The following LARGE1 variants were observed in gnomAD, a reference collection of about 807,000 sequenced individuals.
LARGE1 encodes LARGE xylosyl- and glucuronyltransferase 1, also known as xylosyl- and glucuronyltransferase LARGE1.
A neutral mutation model predicts 87.6 loss-of-function variants in LARGE1; 43 were observed. The ratio of observed to expected loss-of-function variants is 0.49; its 90% CI spans 0.38 to 0.63. The LOEUF (loss-of-function observed/expected upper bound fraction) is 0.63, where lower values mean the gene tolerates loss of function less well. Among genes scored for constraint, LARGE1 ranks in the 30% least tolerant of loss-of-function variants. The pLI, the probability that LARGE1 is intolerant of heterozygous loss-of-function variation, is 0.00. For synonymous variants in LARGE1, 434 were observed against 394.6 expected, an observed-to-expected ratio of 1.10 and a Z score of -1.18; for missense variants, 802 against 1,000.2, an observed-to-expected ratio of 0.80 and a Z score of 2.67.
the LARGE1 span, among the ~76,000 whole-genome samples, chr22:33,136,818 A>G: frequency 6.6e-6 from 1 of 152,140 alleles, no homozygotes; most frequent in Non-Finnish European, 1.5e-5. Flanking sequence ...AAGTATATGG[A>G]TCAAGGCAGG....
the LARGE1 span, among the ~76,000 whole-genome samples, chr22:33,098,268 AC>A: frequency 6.6e-6 from 1 of 152,130 alleles, no homozygotes; most frequent in Non-Finnish European, 1.5e-5. Flanking sequence ...ACTCCACTAC[AC>A]ATCAGTCTGG....
At chr22:33,179,337 C>T (rs1282044468) in intron 11 of LARGE1, among the ~76,000 whole-genome samples, 3 of 152,112 alleles carry the variant, frequency 2.0e-5, no homozygotes, top group African/African-American at 7.2e-5. Flanking sequence ...CTAGAAAAGC[C>T]CTTTGCCCCC....
At chr22:33,873,320 C>T (rs1455781639) in intron 1 of LARGE1, 2 of 152,356 alleles carry the variant, frequency 1.3e-5, no homozygotes, top group African/African-American at 2.4e-5. Context: ...ACGAGCAGCG[C>T]ACGACAAAGG....
chr22:33,153,983 G>T, the LARGE1 span, among the ~76,000 whole-genome samples: 1 of 152,200 alleles, frequency 6.6e-6, no homozygotes, highest in East Asian at 1.9e-4. Flanking sequence ...CAGAAATCTG[G>T]GACCAATGTG....
chr22:33,089,473 TTCC>T, the LARGE1 span, among the ~76,000 whole-genome samples: 11 of 150,136 alleles, frequency 7.3e-5, no homozygotes, highest in South Asian at 2.1e-4. Context: ...CCTCTTCTTC[TTCC>T]TCTTCCTCTT....
chr22:33,264,731 C>T lies in LARGE1; in HGVS notation c.1730+39498G>A, dbSNP rs77665914. On this transcript the variant is annotated intron_variant, in intron 11 of 11. Transcript: ENST00000608642. The stretch of plus-strand genomic sequence containing the variant: ...TTCCTTCTGGTGCAACAAAGTCTCT[C>T]TGCTTGATGAAATATTAGATGAACT... 1.1e-3 allele frequency among the ~76,000 whole-genome samples: 174 copies of T among 152,030 alleles called. 2 individuals are homozygous for T. The South Asian group carries it at 0.019, about 16-fold the overall frequency.
At chr22:33,306,392 T>C (rs1358569891) in intron 11 of LARGE1, among the ~76,000 whole-genome samples, 2 of 152,144 alleles carry the variant, frequency 1.3e-5, no homozygotes, top group Admixed American at 6.5e-5. Context: ...CATGTAGACA[T>C]GAGACCTGCT....
Position 33,316,217 on chromosome 22 carries a change from T to C in LARGE1, c.1319A>G (p.Asp440Gly). Residue 440 changes from aspartate (D) to glycine (G), a missense_variant, in exon 11 of 15, where the codon GAC (aspartate) becomes GGC (glycine). Physicochemically the swap from Asp to Gly is moderately conservative, Grantham distance 94. Coordinates refer to ENST00000397394, the MANE Select transcript of LARGE1 (RefSeq NM_133642.5). Reference sequence around the variant, plus strand: ...TCGCCGGAACTCATAGCACAGGTCGTCCTCGTCCAGCTCAGACAGCTGCTT... The same window carrying C: ...TCGCCGGAACTCATAGCACAGGTCGCCCTCGTCCAGCTCAGACAGCTGCTT... ...LQKQLSELDE[D>G]DLCYEFRRER... The C allele has an allele frequency of 1.2e-6, 2 of 1,613,916 alleles. No individual in the cohort carries two copies. The highest frequency in any genetic ancestry group is 1.7e-6 in the Non-Finnish European group (2 of 1,179,944).
chr22:33,171,549 T>G lies in LARGE1; in HGVS notation c.1731-4717A>C, dbSNP rs111545873. ...TGCTCTGTGTAGCTTCCAGACTTGG[T>G]GCCCTGCATCCCAGCCACTCCAGCT... On this transcript the variant is annotated intron_variant, in intron 11 of 11. Coordinates refer to the LARGE1 transcript ENST00000608642. 7.9e-5 allele frequency among the ~76,000 whole-genome samples: 12 copies of G among 152,270 alleles called. 1 individual carries two copies. The highest frequency in any genetic ancestry group is 2.9e-4 in the African/African-American group (12 of 41,554).
intron 6 of LARGE1, among the ~76,000 whole-genome samples, chr22:33,439,332 T>C (rs1042309141): frequency 2.0e-5 from 3 of 152,178 alleles, no homozygotes; most frequent in Non-Finnish European, 4.4e-5. Context: ...TAGGTTTTCC[T>C]ACCCAAGTGC....
intron 2 of LARGE1, among the ~76,000 whole-genome samples, chr22:33,694,402 C>A (rs562477412): frequency 6.6e-6 from 1 of 152,202 alleles, no homozygotes; most frequent in Non-Finnish European, 1.5e-5. Flanking sequence ...CTCTAGTGAA[C>A]CTTTCTGTAA....
chr22:33,681,469 A>G (rs1260532791), intron 2 of LARGE1, among the ~76,000 whole-genome samples: 2 of 152,218 alleles, frequency 1.3e-5, no homozygotes. Context: ...CTTCTGTTAA[A>G]TAGAATACTA....
At chr22:33,384,089 C>A in intron 8 of LARGE1, 103 bp downstream of exon 8, 2 of 866,572 alleles carry the variant, frequency 2.3e-6, no homozygotes, top group East Asian at 2.4e-5. Context: ...CAGAGTCACA[C>A]AATACGTAGA....
intron 6 of LARGE1, among the ~76,000 whole-genome samples, chr22:33,454,234 G>A (rs1237168058): frequency 1.3e-5 from 2 of 152,038 alleles, no homozygotes; most frequent in African/African-American, 4.8e-5. Flanking sequence ...TTACAGATTT[G>A]TTTCCCATAG....
At chr22:33,542,764 A>G (rs1051610393) in intron 6 of LARGE1, among the ~76,000 whole-genome samples, 3 of 151,750 alleles carry the variant, frequency 2.0e-5, no homozygotes, top group Non-Finnish European at 4.4e-5. Flanking sequence ...ACCTACTCAA[A>G]TCCATTTATT....
intron 7 of LARGE1, among the ~76,000 whole-genome samples, chr22:33,425,968 G>C (rs1489436271): frequency 6.6e-6 from 1 of 152,064 alleles, no homozygotes; most frequent in Admixed American, 6.6e-5. Context: ...GGATGGTCTC[G>C]ATTTCCTGAC....
chr22:33,713,775 G>T (rs1433276097), intron 2 of LARGE1, among the ~76,000 whole-genome samples: 1 of 151,904 alleles, frequency 6.6e-6, no homozygotes, highest in East Asian at 1.9e-4. Context: ...TGGGCAACAT[G>T]GCGAGACACC....
chr22:33,124,395 A>AGGAAGGAAAG, the LARGE1 span, among the ~76,000 whole-genome samples: 9 of 148,140 alleles, frequency 6.1e-5, no homozygotes, highest in African/African-American at 2.0e-4. Context: ...GGAGGAAGGA[A>AGGAAGGAAAG]AATGATGGCT....
At chr22:33,854,212 GAAAAAAAAA>G (rs67771177) in intron 1 of LARGE1, among the ~76,000 whole-genome samples, 22 of 72,716 alleles carry the variant, frequency 3.0e-4, no homozygotes, top group Admixed American at 8.8e-4. Context: ...CACTTAAGGG[GAAAAAAAAA>G]AAAAAAAAAA....
Sources: gnomAD v4.1 joint callset for allele counts (sites outside exome capture counted in the v4.1 genomes callset) on GRCh38, gnomAD v4.1.1 for gene constraint, MANE v1.5 for transcripts, NCBI Gene and HGNC (gene_info 2026-07-23, HGNC 2026-07-21) for gene names.